Variants in VMP1 observed in about 807,000 individuals in gnomAD.
VMP1 encodes vacuole membrane protein 1.
VMP1 carries 11 observed loss-of-function variants against 56.0 expected under a neutral mutation model. The ratio of observed to expected loss-of-function variants is 0.20; its 90% CI spans 0.12 to 0.32. The LOEUF (loss-of-function observed/expected upper bound fraction) is 0.32. VMP1 is among the 10% of genes least tolerant of loss of function. The pLI, the probability that VMP1 is intolerant of heterozygous loss-of-function variation, is 1.00. For missense variants in VMP1, 296 were observed against 490.3 expected, an observed-to-expected ratio of 0.60 and a Z score of 3.74; for synonymous variants, 149 against 165.0, an observed-to-expected ratio of 0.90 and a Z score of 0.74.
intron 7 of VMP1, among the ~76,000 whole-genome samples, chr17:59,791,354 A>G (rs2037220557): frequency 6.6e-6 from 1 of 151,474 alleles, no homozygotes; most frequent in Admixed American, 6.6e-5. Context: ...GCGCTCAGCT[A>G]ATTTTTTTAT....
At chr17:59,726,800 T>C (rs1433246045) in intron 1 of VMP1, among the ~76,000 whole-genome samples, 1 of 152,244 alleles carries the variant, frequency 6.6e-6, no homozygotes, top group Non-Finnish European at 1.5e-5. Context: ...TTTGTTGTTA[T>C]TGTTTTGTAA....
chr17:59,764,446 C>T (rs906749658), intron 5 of VMP1, among the ~76,000 whole-genome samples: 9 of 152,132 alleles, frequency 5.9e-5, no homozygotes, highest in South Asian at 4.1e-4. Context: ...CCTCCTACCT[C>T]CTGAGTAGCT....
chr17:59,833,801 G>T (rs1002012127), intron 10 of VMP1, among the ~76,000 whole-genome samples: 3 of 152,104 alleles, frequency 2.0e-5, no homozygotes, highest in African/African-American at 7.2e-5. Flanking sequence ...ATTTTGAAGG[G>T]AATCTAGAAT....
At chr17:59,825,622 T>C (rs1485478597) in intron 10 of VMP1, among the ~76,000 whole-genome samples, 2 of 152,210 alleles carry the variant, frequency 1.3e-5, no homozygotes, top group Non-Finnish European at 2.9e-5. Context: ...CAGGGTCTTA[T>C]TGGAAGACAA....
intron 7 of VMP1, among the ~76,000 whole-genome samples, chr17:59,788,570 G>A (rs1003465410): frequency 3.3e-5 from 5 of 151,972 alleles, no homozygotes; most frequent in African/African-American, 1.2e-4. Context: ...TTGGGAGGCC[G>A]AGGTGAGCGG....
chr17:59,821,431 G>T (rs572815033), intron 10 of VMP1, among the ~76,000 whole-genome samples: 3 of 152,002 alleles, frequency 2.0e-5, no homozygotes, highest in Non-Finnish European at 4.4e-5. Context: ...TGAATTAAAT[G>T]AGTTGTGTCG....
At chr17:59,735,310 T>G (rs1426894460) in intron 2 of VMP1, 28 bp from the exon 3 acceptor site, 1 of 1,607,528 alleles carries the variant, frequency 6.2e-7, no homozygotes, top group East Asian at 2.2e-5. Flanking sequence ...AGAAATTCTG[T>G]TTTAATCTCT....
intron 1 of VMP1, among the ~76,000 whole-genome samples, chr17:59,730,955 T>C (rs902852152): frequency 6.6e-6 from 1 of 152,132 alleles, no homozygotes; most frequent in Admixed American, 6.5e-5. Flanking sequence ...TAGTATATTC[T>C]ATTTTTATAT....
At chr17:59,774,602 G>A (rs966044801) in intron 7 of VMP1, among the ~76,000 whole-genome samples, 2 of 152,144 alleles carry the variant, frequency 1.3e-5, no homozygotes, top group African/African-American at 4.8e-5. Flanking sequence ...AAACTAGTAA[G>A]CAATATGTAG....
At chr17:59,803,085 G>A (rs1013887336) in intron 7 of VMP1, among the ~76,000 whole-genome samples, 2 of 152,136 alleles carry the variant, frequency 1.3e-5, no homozygotes, top group Non-Finnish European at 2.9e-5. Context: ...TGGCTTCCTC[G>A]TGAAAATGAA....
At chr17:59,832,228 T>C in intron 10 of VMP1, among the ~76,000 whole-genome samples, 1 of 126,820 alleles carries the variant, frequency 7.9e-6, no homozygotes, top group Non-Finnish European at 1.6e-5. Flanking sequence ...TGGAGTGCAA[T>C]CTCAGCTCAT....
At position 59,765,152 on chromosome 17, in the gene VMP1, T is replaced by A; in HGVS notation, c.582+14T>A. ...GCCTGCATGTGGGTAAGATATGCATTTTCATATTTGTTTAAAACTAACCTC... is the reference window on the plus strand; with the variant it reads ...GCCTGCATGTGGGTAAGATATGCATATTCATATTTGTTTAAAACTAACCTC... On this transcript the variant is annotated intron_variant, in intron 6 of 11. Coordinates refer to ENST00000262291, the MANE Select transcript of VMP1 (RefSeq NM_030938.5). 6.2e-7 allele frequency: 1 copy of A among 1,610,988 alleles called. No individual in the cohort carries two copies. Among genetic ancestry groups the A allele is most frequent in the Non-Finnish European group, 8.5e-7 (1 of 1,178,942 alleles).
intron 5 of VMP1, among the ~76,000 whole-genome samples, chr17:59,752,188 G>A (rs1174570232): frequency 1.3e-5 from 2 of 152,198 alleles, no homozygotes; most frequent in Non-Finnish European, 2.9e-5. Flanking sequence ...CAACTACTCA[G>A]ATCTGTCACT....
intron 1 of VMP1, among the ~76,000 whole-genome samples, chr17:59,711,732 A>T (rs1428566062): frequency 2.0e-5 from 3 of 152,224 alleles, no homozygotes; most frequent in Non-Finnish European, 4.4e-5. Context: ...GGTGATACTT[A>T]AAGTTTAAGG....
chr17:59,724,429 C>G (rs1454283587), intron 1 of VMP1, among the ~76,000 whole-genome samples: 2 of 151,986 alleles, frequency 1.3e-5, no homozygotes, highest in African/African-American at 4.8e-5. Context: ...GCCTGTAATC[C>G]CAGTACTTTG....
intron 2 of VMP1, among the ~76,000 whole-genome samples, chr17:59,732,051 C>A (rs1713225296): frequency 6.6e-6 from 1 of 152,010 alleles, no homozygotes; most frequent in Non-Finnish European, 1.5e-5. Flanking sequence ...TAAGTAGAAA[C>A]TTTCCTTCAT....
At chr17:59,768,845 G>A (rs2036327118) in intron 6 of VMP1, among the ~76,000 whole-genome samples, 2 of 152,072 alleles carry the variant, frequency 1.3e-5, no homozygotes, top group African/African-American at 4.8e-5. Flanking sequence ...AATTAGCTGG[G>A]CATGATGACA....
rs530907168 is a variant in VMP1 at position 59,821,539 on chromosome 17, CTTTTT to C, written c.974+3785_974+3789del. On this transcript the variant is annotated intron_variant, in intron 10 of 11. Coordinates refer to ENST00000262291, the MANE Select transcript of VMP1 (RefSeq NM_030938.5). ...TACAGGGATTACCTCAGCTACTTTT[CTTTTT>C]TTTTTTTTTTTTTTTTTTGAGGCGG... Among the ~76,000 whole-genome samples, 739 of 104,562 alleles carry C rather than the reference CTTTTT, an allele frequency of 7.1e-3. 4 individuals carry two copies. Among genetic ancestry groups the C allele is most frequent in the Non-Finnish European group, 9.1e-3 (477 of 52,382 alleles). The allele number at this position is 104,562 out of a possible 152,430, so 68.6% of individuals were successfully genotyped here.
At chr17:59,798,053 A>G (rs984831401) in intron 7 of VMP1, among the ~76,000 whole-genome samples, 5 of 152,204 alleles carry the variant, frequency 3.3e-5, no homozygotes, top group African/African-American at 1.2e-4. Flanking sequence ...GGATCTCAGT[A>G]GTGGTTACAT....
Sources: allele counts gnomAD v4.1 joint callset (sites outside exome capture counted in the v4.1 genomes callset), GRCh38; gene constraint gnomAD v4.1.1; transcripts MANE v1.5; gene names NCBI Gene and HGNC (gene_info 2026-07-23, HGNC 2026-07-21).